Variants in CAMK4 observed in about 807,000 individuals in gnomAD.
CAMK4 encodes the protein calcium/calmodulin-dependent protein kinase type IV.
Under a neutral mutation model 44.9 loss-of-function variants are expected in CAMK4, and 22 were observed. That is an observed-to-expected ratio of 0.49 (90% CI 0.35 to 0.70). CAMK4 has a LOEUF of 0.70. Among genes scored for constraint, CAMK4 ranks in the 30% least tolerant of loss-of-function variants. CAMK4 has a pLI of 0.01. For missense variants in CAMK4, 498 were observed against 586.8 expected (o/e 0.85, Z 1.56); for synonymous variants, 218 against 215.4 (o/e 1.01, Z -0.11).
At chr5:111,456,425 G>T (rs913814996) in intron 7 of CAMK4, among the ~76,000 whole-genome samples, 1 of 151,736 alleles carries the variant, frequency 6.6e-6, no homozygotes, top group African/African-American at 2.4e-5. Context: ...CAGGAGGCGG[G>T]GCTTGCAGTG....
chr5:111,384,115 T>G (rs1367735381), intron 4 of CAMK4, among the ~76,000 whole-genome samples: 1 of 152,128 alleles, frequency 6.6e-6, no homozygotes, highest in Non-Finnish European at 1.5e-5. Context: ...AAGAATGGAA[T>G]AGGGCACTTG....
intron 1 of CAMK4, among the ~76,000 whole-genome samples, chr5:111,240,164 A>G (rs1051495154): frequency 2.0e-5 from 3 of 152,102 alleles, no homozygotes; most frequent in Admixed American, 2.0e-4. Flanking sequence ...GGTCTTATTT[A>G]CACTAACTTT....
chr5:111,420,171 T>G (rs1213228241), intron 5 of CAMK4, among the ~76,000 whole-genome samples: 2 of 151,418 alleles, frequency 1.3e-5, no homozygotes, highest in African/African-American at 4.9e-5. Flanking sequence ...CCCTTGTAAG[T>G]TGGATTCCTA....
At position 111,344,033 on chromosome 5, in the gene CAMK4, A is replaced by G. The variant is rs1367827596; in HGVS notation, c.171A>G (p.Thr57=). ...EVESELGRGA[T]SIVYRCKQKG... is the part of the protein sequence containing the mutation. ...CTTTTTCCCCCTCAAGGGGTGCTAC[A>G]TCCATTGTGTACAGATGCAAACAGA... is the stretch of plus-strand genomic sequence containing the variant. Residue 57 remains threonine (T), a synonymous_variant, in exon 2 of 11, where the codon ACA becomes ACG. Coordinates refer to ENST00000282356, the MANE Select transcript of CAMK4 (RefSeq NM_001744.6). The G allele has an allele frequency of 1.1e-5, 18 of 1,599,010 alleles. No homozygotes were observed. Among genetic ancestry groups the G allele is most frequent in the Non-Finnish European group, 1.5e-5 (17 of 1,168,002 alleles).
At chr5:111,432,519 G>T (rs1324147902) in intron 5 of CAMK4, among the ~76,000 whole-genome samples, 1 of 151,640 alleles carries the variant, frequency 6.6e-6, no homozygotes. Flanking sequence ...TAACTCAAAG[G>T]ATAAATGCTT....
chr5:111,401,454 AGACT>A lies in CAMK4; in HGVS notation c.459+6674_459+6677del, dbSNP rs932893788. Among the ~76,000 whole-genome samples, 68 of 152,180 alleles carry A rather than the reference AGACT, an allele frequency of 4.5e-4. 1 individual carries two copies. The highest frequency in any genetic ancestry group is 6.3e-4 in the Non-Finnish European group (43 of 68,022). On this transcript the variant is annotated intron_variant, in intron 5 of 10. Transcript: ENST00000282356. The stretch of plus-strand genomic sequence containing the variant: ...AGCTTTTTGGTTAGGTTTGTGTTAA[AGACT>A]GTGATGATGGTGGTGAAGAGTTACA...
At chr5:111,410,614 A>G (rs1216681176) in intron 5 of CAMK4, among the ~76,000 whole-genome samples, 1 of 152,170 alleles carries the variant, frequency 6.6e-6, no homozygotes, top group East Asian at 1.9e-4. Context: ...AAAAAGCTGA[A>G]GTATTCCCTT....
At position 111,399,781 on chromosome 5, in the gene CAMK4, C is replaced by A. The variant is rs76126145; in HGVS notation, c.459+4999C>A. On this transcript the variant is annotated intron_variant, in intron 5 of 10. Transcript: ENST00000282356. ...TTTCATTCTTTCCTGTCATTCAAAA[C>A]TCACCTTCCTCGGTATGTTCTTTCT... Among the ~76,000 whole-genome samples the A allele has an allele frequency of 7.2e-5, 11 of 152,302 alleles. No individual in the cohort carries two copies. The East Asian group carries it at 1.9e-3, about 27-fold the overall frequency.
Position 111,482,580 on chromosome 5 carries a change from GC to G in CAMK4, c.829-202del. The G allele has an allele frequency of 2.5e-6, 1 of 395,338 alleles. No homozygotes were observed. Among genetic ancestry groups the G allele is most frequent in the Non-Finnish European group, 4.5e-6 (1 of 224,096 alleles). The allele number at this position is 395,338 out of a possible 1,614,324, so 24.5% of individuals were successfully genotyped here. On this transcript the variant is annotated intron_variant, in intron 9 of 10. Coordinates refer to ENST00000282356, the MANE Select transcript of CAMK4 (RefSeq NM_001744.6). This position sits in a 1 kb window ranked among gnomAD's most constrained non-coding sequence, Gnocchi z 4.9. ...CTTTGGGGGTCTCAGGTGGTACATG[GC>G]CCTGTCTTCTCATACTCCCTCAGCT...
chr5:111,356,454 G>A (rs1390279658), intron 2 of CAMK4, among the ~76,000 whole-genome samples: 2 of 152,208 alleles, frequency 1.3e-5, no homozygotes, highest in Non-Finnish European at 2.9e-5. Context: ...TTTGTAGGTT[G>A]CCTGTTCACT....
intron 5 of CAMK4, among the ~76,000 whole-genome samples, chr5:111,442,016 T>C (rs1169956980): frequency 1.3e-5 from 2 of 152,190 alleles, no homozygotes; most frequent in Non-Finnish European, 2.9e-5. Context: ...GTGTATTTCA[T>C]TTAAAAATCA....
upstream of CAMK4, chr5:111,224,150 G>C (rs1371022255): frequency 4.6e-6 from 1 of 218,398 alleles, no homozygotes; most frequent in Non-Finnish European, 8.8e-6. This position sits in a 1 kb window ranked among gnomAD's most constrained non-coding sequence, Gnocchi z 5.7. Context: ...AGAGAGAAAG[G>C]AAAGAGGGAG....
intron 1 of CAMK4, among the ~76,000 whole-genome samples, chr5:111,262,777 A>G (rs755844456): frequency 1.9e-4 from 29 of 152,146 alleles, no homozygotes; most frequent in Non-Finnish European, 3.1e-4. Context: ...ATTGTGAACA[A>G]TTTGTCTCCC....
intron 1 of CAMK4, among the ~76,000 whole-genome samples, chr5:111,256,862 T>A (rs1749765681): frequency 6.6e-6 from 1 of 152,148 alleles, no homozygotes; most frequent in Non-Finnish European, 1.5e-5. Context: ...ATTTTGAAAG[T>A]TTACCACTTT....
intron 1 of CAMK4, among the ~76,000 whole-genome samples, chr5:111,243,806 A>T (rs1749112333): frequency 6.6e-6 from 1 of 152,228 alleles, no homozygotes; most frequent in African/African-American, 2.4e-5. Flanking sequence ...AATGTAAAAA[A>T]TACTGAAGAT....
At chr5:111,409,657 G>C (rs1173607879) in intron 5 of CAMK4, among the ~76,000 whole-genome samples, 2 of 152,172 alleles carry the variant, frequency 1.3e-5, no homozygotes, top group African/African-American at 2.4e-5. Context: ...ATGTCAGCAG[G>C]CTGCAAATTT....
intron 1 of CAMK4, among the ~76,000 whole-genome samples, chr5:111,289,662 T>G (rs2112621815): frequency 6.6e-6 from 1 of 152,354 alleles, no homozygotes; most frequent in East Asian, 1.9e-4. Flanking sequence ...GGGTTGTGGG[T>G]TGACTGCTGG....
intron 2 of CAMK4, among the ~76,000 whole-genome samples, chr5:111,359,277 T>TCC (rs1294616115): frequency 9.1e-4 from 3 of 3,298 alleles, no homozygotes; most frequent in African/African-American, 9.7e-4. Context: ...TGTGAGATGG[T>TCC]ATTTGATTGT....
chr5:111,369,773 G>A lies in CAMK4; in HGVS notation c.241-5077G>A, dbSNP rs76686328. Among the ~76,000 whole-genome samples the A allele has an allele frequency of 6.3e-3, 957 of 152,236 alleles. 4 individuals carry two copies. Among genetic ancestry groups the A allele is most frequent in the African/African-American group, 0.021 (886 of 41,552 alleles). ...TAGTATTTGCACATCATTTATGAAC[G>A]TGCTCTAATATTCTTTAAATAATCT... On this transcript the variant is annotated intron_variant, in intron 2 of 10. Transcript: ENST00000282356.
Sources: gnomAD v4.1 joint callset for allele counts (sites outside exome capture counted in the v4.1 genomes callset) on GRCh38, gnomAD v4.1.1 for gene constraint, Gnocchi (gnomAD v3.1) non-coding constraint, MANE v1.5 for transcripts, NCBI Gene and HGNC (gene_info 2026-07-23, HGNC 2026-07-21) for gene names.